SENP6: variants seen among roughly 807,000 people sequenced by gnomAD.
SENP6 encodes SUMO specific peptidase 6, also known as sentrin-specific protease 6.
In SENP6, 41 loss-of-function variants were observed where a neutral mutation model predicts 134.5. That is an observed-to-expected ratio of 0.30 (90% CI 0.24 to 0.40). The LOEUF (loss-of-function observed/expected upper bound fraction) is 0.40, where lower values mean the gene tolerates loss of function less well. SENP6 is among the 10% of genes least tolerant of loss of function. The pLI, the probability that SENP6 is intolerant of heterozygous loss-of-function variation, is 1.00. For missense variants in SENP6, 1,248 were observed against 1,312.5 expected (o/e 0.95, Z 0.76); for synonymous variants, 395 against 429.8 (o/e 0.92, Z 1.00).
intron 19 of SENP6, among the ~76,000 whole-genome samples, chr6:75,705,052 A>T (rs901400030): frequency 5.3e-5 from 8 of 152,208 alleles, no homozygotes; most frequent in Admixed American, 1.3e-4. Context: ...TTCCCTTTCT[A>T]CATAGACACA....
chr6:75,659,360 A>T lies in SENP6; in HGVS notation c.649A>T (p.Thr217Ser), dbSNP rs777444910. The T allele has an allele frequency of 1.9e-6, 3 of 1,611,120 alleles. No homozygotes were observed. Among genetic ancestry groups the T allele is most frequent in the South Asian group, 2.2e-5 (2 of 90,818 alleles). The change falls in exon 8 of 24, where the codon ACT becomes TCT. Residue 217 changes from threonine (T) to serine (S), a missense_variant. Coordinates refer to ENST00000447266, the MANE Select transcript of SENP6 (RefSeq NM_015571.4). ...ACGACACTGTAGTACCTATCAGCCT[A>T]CTCCTCCTCTATCTCCTGCTTCAAA... is the stretch of plus-strand genomic sequence containing the variant. The part of the protein sequence containing the change: ...QKRHCSTYQP[T>S]PPLSPASKKC...
At position 75,698,649 on chromosome 6, in the gene SENP6, T is replaced by C. The variant is rs965670280; in HGVS notation, c.2288+1132T>C. Among the ~76,000 whole-genome samples, 2 of 152,234 alleles carry C rather than the reference T, an allele frequency of 1.3e-5. 1 individual carries two copies. On this transcript the variant is annotated intron_variant, in intron 18 of 23. Coordinates refer to ENST00000447266, the MANE Select transcript of SENP6 (RefSeq NM_015571.4). Reference sequence around the variant, plus strand: ...TGCTCCTAGCAAAGCTATATATTTTTAAATTCATATTATCATAGTAAAATT... The same window carrying C: ...TGCTCCTAGCAAAGCTATATATTTTCAAATTCATATTATCATAGTAAAATT...
In SENP6 at chr6:75,709,544, A is replaced by C. The variant is rs1382272330; in HGVS notation, c.2734A>C (p.Arg912=). The C allele has an allele frequency of 6.8e-6, 11 of 1,613,466 alleles. No individual in the cohort carries two copies. The South Asian group carries it at 1.1e-4, about 16-fold the overall frequency. ...TGATACAGATGGCTTAAGCAAAATCAGACTAAACTATAGCGATGAATCACC... is the reference window on the plus strand; with the variant it reads ...TGATACAGATGGCTTAAGCAAAATCCGACTAAACTATAGCGATGAATCACC... ...THHTDGLSKI[R]LNYSDESPEA... The change falls in exon 20 of 24, where the codon AGA becomes CGA. Residue 912 remains arginine, a synonymous_variant. Coordinates refer to ENST00000447266, the MANE Select transcript of SENP6 (RefSeq NM_015571.4).
intron 7 of SENP6, among the ~76,000 whole-genome samples, chr6:75,650,238 G>T (rs1299819163): frequency 6.6e-6 from 1 of 152,164 alleles, no homozygotes; most frequent in African/African-American, 2.4e-5. Flanking sequence ...GGGGTTACAT[G>T]ATGTTGAATA....
At chr6:75,702,380 G>A (rs943465130) in intron 18 of SENP6, among the ~76,000 whole-genome samples, 1 of 151,872 alleles carries the variant, frequency 6.6e-6, no homozygotes, top group Non-Finnish European at 1.5e-5. Flanking sequence ...ACTGCGCCTG[G>A]CTAATTTTTG....
chr6:75,649,858 T>G (rs530745774), intron 7 of SENP6, among the ~76,000 whole-genome samples: 1 of 152,314 alleles, frequency 6.6e-6, no homozygotes, highest in East Asian at 1.9e-4. Context: ...AGAGAAAATT[T>G]GCAAATTTAA....
intron 19 of SENP6, among the ~76,000 whole-genome samples, chr6:75,704,786 G>A (rs1199068415): frequency 6.6e-6 from 1 of 152,204 alleles, no homozygotes; most frequent in Non-Finnish European, 1.5e-5. Context: ...GCTTTCTGCA[G>A]CGCATTGTGC....
chr6:75,703,081 C>T lies in SENP6; in HGVS notation c.2716+9C>T, dbSNP rs774525902. On this transcript the variant is annotated intron_variant, in intron 19 of 23. Coordinates refer to ENST00000447266, the MANE Select transcript of SENP6 (RefSeq NM_015571.4). ...TTCCACACATCATACAGGTATGTAT[C>T]TAAATGTTTTGAAAGAATGAAAAAA... 6.5e-7 allele frequency: 1 copy of T among 1,543,054 alleles called. No individual in the cohort carries two copies. Among genetic ancestry groups the T allele is most frequent in the Non-Finnish European group, 8.7e-7 (1 of 1,143,732 alleles).
chr6:75,657,784 G>A (rs781065985), intron 7 of SENP6, among the ~76,000 whole-genome samples: 1 of 152,144 alleles, frequency 6.6e-6, no homozygotes, highest in Non-Finnish European at 1.5e-5. Context: ...CTAGAGTGGG[G>A]CAGAGGCAGC....
chr6:75,679,756 A>T (rs1161926408), intron 16 of SENP6: 1 of 152,230 alleles, frequency 6.6e-6, no homozygotes, highest in African/African-American at 2.4e-5. Context: ...TATAAAATGG[A>T]CATGTATATG....
At chr6:75,679,305 C>A in intron 16 of SENP6, 1 of 167,684 alleles carries the variant, frequency 6.0e-6, no homozygotes, top group Non-Finnish European at 1.3e-5. Flanking sequence ...ACTTGGGAGG[C>A]TCAGACAGGA....
At chr6:75,652,758 T>TTTGAG (rs1770999637) in intron 7 of SENP6, among the ~76,000 whole-genome samples, 1 of 151,012 alleles carries the variant, frequency 6.6e-6, no homozygotes, top group Non-Finnish European at 1.5e-5. Context: ...CACAGTATTA[T>TTTGAG]TTGAGTTGGC....
At chr6:75,649,307 T>G (rs72886856) in intron 7 of SENP6, among the ~76,000 whole-genome samples, 1 of 151,942 alleles carries the variant, frequency 6.6e-6, no homozygotes, top group Non-Finnish European at 1.5e-5. Flanking sequence ...AGAGTGAGAC[T>G]TGGTCTCAAA....
At chr6:75,708,744 A>T (rs1263425419) in intron 19 of SENP6, among the ~76,000 whole-genome samples, 14 of 151,924 alleles carry the variant, frequency 9.2e-5, no homozygotes, top group Admixed American at 9.2e-4. Context: ...AAAATACAAA[A>T]ATGCCAGGCA....
chr6:75,610,996 C>CACA (rs1554154849), intron 1 of SENP6: 1 of 125,160 alleles, frequency 8.0e-6, no homozygotes, highest in Non-Finnish European at 1.8e-5. Flanking sequence ...GAGTGGACGA[C>CACA]GAGGAACTAG....
intron 16 of SENP6, among the ~76,000 whole-genome samples, chr6:75,693,427 A>AAC (rs1269270722): frequency 6.6e-6 from 1 of 151,640 alleles, no homozygotes; most frequent in African/African-American, 2.4e-5. Flanking sequence ...AAAAAAAAAA[A>AAC]AACACCAAAG....
chr6:75,661,914 T>C (rs1461451584), intron 8 of SENP6, among the ~76,000 whole-genome samples: 3 of 152,120 alleles, frequency 2.0e-5, no homozygotes, highest in African/African-American at 7.2e-5. Flanking sequence ...TAGCTGAGCA[T>C]GGTGGTGGGC....
chr6:75,602,573 G>A lies in SENP6; in HGVS notation c.49G>A (p.Glu17Lys). ...TAGCGCAGGGGAGATTACTTTTCTG[G>A]AAGGTACGTCTGTTTCTGCCCTTGA... ...GGSAGEITFL[E>K]ALARSESKRD... Residue 17 changes from glutamate (E) to lysine (K), a missense_variant, in exon 1 of 24, where the codon GAA (glutamate) becomes AAA (lysine). This residue lies in a region of SENP6 where 733 missense variants were observed against 725.4 expected (regional missense o/e 1.01). Coordinates refer to ENST00000447266, the MANE Select transcript of SENP6 (RefSeq NM_015571.4). 1 of 1,551,498 alleles carries A rather than the reference G, an allele frequency of 6.4e-7. No individual in the cohort carries two copies. The highest frequency in any genetic ancestry group is 8.7e-7 in the Non-Finnish European group (1 of 1,146,880).
At chr6:75,671,678 C>T (rs1772688231) in intron 11 of SENP6, among the ~76,000 whole-genome samples, 2 of 151,998 alleles carry the variant, frequency 1.3e-5, no homozygotes, top group South Asian at 2.1e-4. Flanking sequence ...GCCGAGACGG[C>T]GCCACTGCAC....
Sources: allele counts gnomAD v4.1 joint callset (sites outside exome capture counted in the v4.1 genomes callset), GRCh38; gene constraint gnomAD v4.1.1; regional missense constraint gnomAD v4.1.1; transcripts MANE v1.5; gene names NCBI Gene and HGNC (gene_info 2026-07-23, HGNC 2026-07-21).